The following MAPKAPK3 variants were observed in gnomAD, a reference collection of about 807,000 sequenced individuals.
MAPKAPK3 encodes the protein MAPK activated protein kinase 3, also known as MAP kinase-activated protein kinase 3.
A neutral mutation model predicts 49.2 loss-of-function variants in MAPKAPK3; 35 were observed. The observed-to-expected ratio is 0.71, with a 90% CI of 0.54 to 0.94. The LOEUF is 0.94. Ranked by LOEUF, MAPKAPK3 falls within the 40% of genes least tolerant of loss-of-function variation. The pLI is 0.00. For synonymous variants in MAPKAPK3, 178 were observed against 188.7 expected, an observed-to-expected ratio of 0.94 and a Z score of 0.46; for missense variants, 398 against 493.1, an observed-to-expected ratio of 0.81 and a Z score of 1.83.
intron 8 of MAPKAPK3, among the ~76,000 whole-genome samples, 181 bp from the exon 9 acceptor site, chr3:50,646,559 C>T (rs1296027355): frequency 6.6e-6 from 1 of 152,222 alleles, no homozygotes; most frequent in Non-Finnish European, 1.5e-5. Flanking sequence ...GCTGCTTAAC[C>T]AATTATCCTG....
In MAPKAPK3 at chr3:50,644,543, C is replaced by T. The variant is rs781095321; in HGVS notation, c.628+11C>T. ...CTCCCTATTATGTGGGTGAGTCCTTCGGACATGAGTTGTAACTCCTCACCC... is the reference window on the plus strand; with the variant it reads ...CTCCCTATTATGTGGGTGAGTCCTTTGGACATGAGTTGTAACTCCTCACCC... On this transcript the variant is annotated intron_variant, in intron 6 of 10. Transcript: ENST00000621469. The T allele has an allele frequency of 1.7e-5, 28 of 1,613,686 alleles. No homozygotes were observed. The highest frequency in any genetic ancestry group is 2.2e-5 in the East Asian group (1 of 44,896).
chr3:50,632,729 G>A (rs954117166), intron 2 of MAPKAPK3, among the ~76,000 whole-genome samples: 4 of 152,276 alleles, frequency 2.6e-5, no homozygotes, highest in African/African-American at 7.2e-5. Flanking sequence ...CAGCCTGGCC[G>A]GGGCTGCAGG....
intron 2 of MAPKAPK3, among the ~76,000 whole-genome samples, chr3:50,630,563 C>T (rs1215311807): frequency 6.6e-6 from 1 of 152,220 alleles, no homozygotes; most frequent in African/African-American, 2.4e-5. Flanking sequence ...TGGTACAGGG[C>T]GGGGCTCCGT....
At chr3:50,612,702 T>G (rs1477218623), upstream of MAPKAPK3, 1 of 151,750 alleles carries the variant, frequency 6.6e-6, no homozygotes, top group Non-Finnish European at 1.5e-5. Context: ...GACTCTGGGT[T>G]GGTACCACCC....
chr3:50,621,879 C>G (rs2032619176), intron 2 of MAPKAPK3, among the ~76,000 whole-genome samples: 2 of 152,228 alleles, frequency 1.3e-5, no homozygotes, highest in Admixed American at 1.3e-4. Context: ...CTCTTCCCCT[C>G]TGACCCCTAA....
Position 50,617,514 on chromosome 3 carries a change from G to C in MAPKAPK3, c.-52G>C, listed in dbSNP as rs2032498321. On this transcript the variant is annotated splice_region_variant and 5_prime_UTR_variant, in exon 2 of 11. Transcript: ENST00000621469. ...GACTCACTCTTCCCCTTTCCCCCAG[G>C]TGCCACTAGAAGCGCCAGGCTGGGG... 4 of 856,868 alleles carry C rather than the reference G, an allele frequency of 4.7e-6. No individual in the cohort carries two copies. The highest frequency in any genetic ancestry group is 1.7e-5 in the African/African-American group (1 of 59,694). 53.1% of individuals were successfully genotyped at this position (856,868 alleles called of 1,614,324 possible). A position where few individuals can be genotyped will look rare whatever the true frequency, so the allele number is the denominator to read the frequency against.
intron 2 of MAPKAPK3, among the ~76,000 whole-genome samples, chr3:50,622,279 T>C (rs184045162): frequency 2.0e-4 from 31 of 152,316 alleles, no homozygotes; most frequent in African/African-American, 6.7e-4. Context: ...TGGCTGTGTA[T>C]GTTCTGAGCC....
At chr3:50,611,647 C>T (rs1417143612), upstream of MAPKAPK3, 4 of 1,495,264 alleles carry the variant, frequency 2.7e-6, no homozygotes, top group South Asian at 1.3e-5. Context: ...ACGCAGAGGA[C>T]CATGTCCCCG....
At chr3:50,631,586 G>A (rs2032912025) in intron 2 of MAPKAPK3, among the ~76,000 whole-genome samples, 1 of 152,214 alleles carries the variant, frequency 6.6e-6, no homozygotes, top group Admixed American at 6.5e-5. Flanking sequence ...TCAACAACTG[G>A]CTGTAAAATA....
At chr3:50,633,479 AC>A (rs1335716927) in intron 2 of MAPKAPK3, among the ~76,000 whole-genome samples, 1 of 151,940 alleles carries the variant, frequency 6.6e-6, no homozygotes, top group Non-Finnish European at 1.5e-5. Flanking sequence ...ATATGCACTC[AC>A]CCACGCACTG....
chr3:50,638,605 A>G lies in MAPKAPK3; in HGVS notation c.220-1761A>G, dbSNP rs931527130. Among the ~76,000 whole-genome samples the G allele has an allele frequency of 8.5e-5, 13 of 152,260 alleles. 3 individuals carry two copies. ...GCCCCTGGCTCTCTGTATTCCTTGC[A>G]CTGCCTGTATTCCCAGGCTAGGGTT... is the stretch of plus-strand genomic sequence containing the variant. On this transcript the variant is annotated intron_variant, in intron 2 of 10. Coordinates refer to ENST00000621469, the MANE Select transcript of MAPKAPK3 (RefSeq NM_001243925.2).
upstream of MAPKAPK3, chr3:50,611,692 G>C: frequency 2.1e-6 from 3 of 1,459,740 alleles, no homozygotes; most frequent in Non-Finnish European, 2.7e-6. Flanking sequence ...GACTCGGCTG[G>C]ACGGCGGCGG....
intron 2 of MAPKAPK3, among the ~76,000 whole-genome samples, chr3:50,637,503 C>T (rs1269882495): frequency 2.0e-5 from 3 of 151,882 alleles, no homozygotes; most frequent in East Asian, 1.9e-4. Context: ...GGCGTGGTGG[C>T]GGGCACCTGT....
chr3:50,644,318 T>A, intron 5 of MAPKAPK3, 91 bp from the exon 6 acceptor site: 2 of 1,482,950 alleles, frequency 1.3e-6, no homozygotes, highest in East Asian at 2.3e-5. Flanking sequence ...TGCACTGGGA[T>A]GGAGTCGGGG....
rs375258861 is a variant in MAPKAPK3, at chr3:50,648,079, G to C, written c.*33G>C. 1 of 1,600,064 alleles carries C rather than the reference G, an allele frequency of 6.2e-7. No homozygotes were observed. The highest frequency in any genetic ancestry group is 1.3e-5 in the African/African-American group (1 of 74,388). On this transcript the variant is annotated 3_prime_UTR_variant, in exon 11 of 11. Transcript: ENST00000621469. ...GGCCTTGGAGGAGCCTGGCCTCTCA[G>C]CCTGCATAACAGACTGAAATGTGCT... is the stretch of plus-strand genomic sequence containing the variant.
At chr3:50,639,263 T>C (rs2033115390) in intron 2 of MAPKAPK3, among the ~76,000 whole-genome samples, 1 of 152,102 alleles carries the variant, frequency 6.6e-6, no homozygotes, top group Non-Finnish European at 1.5e-5. Context: ...ACCGAGTCAT[T>C]GGAGGAATTC....
In MAPKAPK3 at chr3:50,646,173, G is replaced by A. The variant is rs377091540; in HGVS notation, c.738G>A (p.Thr246=). 9 of 1,613,858 alleles carry A rather than the reference G, an allele frequency of 5.6e-6. No individual in the cohort carries two copies. In the African/African-American group the frequency reaches 8.0e-5, roughly 14 times the overall value. The stretch of plus-strand genomic sequence containing the variant: ...GCTTCCCACCCTTCTACTCCAACAC[G>A]GGCCAGGCCATCTCCCCGGGGATGA... ...LCGFPPFYSN[T]GQAISPGMKR... Residue 246 remains threonine (T), a synonymous_variant, in exon 8 of 11, where the codon ACG becomes ACA. Coordinates refer to ENST00000621469, the MANE Select transcript of MAPKAPK3 (RefSeq NM_001243925.2).
Position 50,645,803 on chromosome 3 carries a change from C to T in MAPKAPK3, c.704+18C>T. On this transcript the variant is annotated intron_variant, in intron 7 of 10. Transcript: ENST00000621469. ...TACATCCTGTGAGTACCTTCCCCAC[C>T]CCCTGCCTCCATCTCCTGCCCTTAC... 1 of 1,611,748 alleles carries T rather than the reference C, an allele frequency of 6.2e-7. No individual in the cohort carries two copies. The highest frequency in any genetic ancestry group is 8.5e-7 in the Non-Finnish European group (1 of 1,177,974).
Position 50,640,390 on chromosome 3 carries a change from C to T in MAPKAPK3, c.244C>T (p.Arg82Trp), listed in dbSNP as rs755805527. Reference sequence around the variant, plus strand: ...GCTCCTGTATGACAGCCCCAAGGCCCGGCAGGAGGTAGACCATCACTGGCA... The same window carrying T: ...GCTCCTGTATGACAGCCCCAAGGCCTGGCAGGAGGTAGACCATCACTGGCA... ...LKLLYDSPKA[R>W]QEVDHHWQAS... The change falls in exon 3 of 11, where the codon CGG becomes TGG. Residue 82 changes from arginine (R) to tryptophan (W), a missense_variant. Around this residue, in one of 5 missense-constraint regions of MAPKAPK3, gnomAD observed 123 missense variants for 117.7 expected, o/e 1.04. Coordinates refer to ENST00000621469, the MANE Select transcript of MAPKAPK3 (RefSeq NM_001243925.2). 6.8e-6 allele frequency: 11 copies of T among 1,614,050 alleles called. No homozygotes were observed. Among genetic ancestry groups the T allele is most frequent in the East Asian group, 2.2e-5 (1 of 44,884 alleles).
Sources: gnomAD v4.1 joint callset for allele counts (sites outside exome capture counted in the v4.1 genomes callset) on GRCh38, gnomAD v4.1.1 for gene constraint, gnomAD v4.1.1 regional missense constraint, MANE v1.5 for transcripts, NCBI Gene and HGNC (gene_info 2026-07-23, HGNC 2026-07-21) for gene names.